Variants in WNK2 observed in about 807,000 individuals in gnomAD.
The protein encoded by WNK2 is serine/threonine-protein kinase WNK2.
In WNK2, 67 loss-of-function variants were observed where a neutral mutation model predicts 192.1. That is an observed-to-expected ratio of 0.35 (90% confidence interval 0.29 to 0.43). The LOEUF is 0.43. Ranked by LOEUF, WNK2 falls within the 20% of genes least tolerant of loss-of-function variation. The pLI is 1.00. For synonymous variants in WNK2, 1,439 were observed against 1,393.9 expected (o/e 1.03, Z -0.72); for missense variants, 2,698 against 3,089.7 (o/e 0.87, Z 3.01).
At chr9:93,214,536 T>A (rs889218533) in intron 2 of WNK2, among the ~76,000 whole-genome samples, 2 of 152,126 alleles carry the variant, frequency 1.3e-5, no homozygotes, top group Non-Finnish European at 2.9e-5. Flanking sequence ...ACTCCTGACC[T>A]TAAGTGATCT....
At chr9:93,268,443 G>A (rs567641035) in intron 18 of WNK2, among the ~76,000 whole-genome samples, 184 bp from the exon 19 acceptor site, 1 of 152,306 alleles carries the variant, frequency 6.6e-6, no homozygotes, top group East Asian at 1.9e-4. Flanking sequence ...GCTTCGTGGA[G>A]GGAAGCGTTG....
chr9:93,217,140 G>A (rs1271027122), intron 2 of WNK2, among the ~76,000 whole-genome samples: 1 of 152,040 alleles, frequency 6.6e-6, no homozygotes, highest in Admixed American at 6.6e-5. Context: ...TGTATTTTTA[G>A]TAGAGATGGG....
intron 2 of WNK2, among the ~76,000 whole-genome samples, chr9:93,188,186 C>T (rs761090723): frequency 6.6e-6 from 1 of 152,194 alleles, no homozygotes; most frequent in Non-Finnish European, 1.5e-5. Context: ...TCCCGCAGCA[C>T]CTGCAGTCTG....
intron 2 of WNK2, among the ~76,000 whole-genome samples, chr9:93,209,042 G>A (rs947543477): frequency 6.6e-6 from 1 of 152,168 alleles, no homozygotes; most frequent in African/African-American, 2.4e-5. Flanking sequence ...CCAAGAGGTT[G>A]CAGCTCTCCT....
At chr9:93,288,658 T>A (rs774636485) in intron 19 of WNK2, 130 bp from the exon 20 acceptor site, 13 of 959,058 alleles carry the variant, frequency 1.4e-5, no homozygotes, top group Admixed American at 6.2e-5. Flanking sequence ...GCCTGGCGTG[T>A]CGGGAAACAG....
In WNK2 at chr9:93,229,463, C is replaced by T. The variant is rs1838367488; in HGVS notation, c.682-233C>T. ...GGATTTGCGAGACCTCTTCGGCTTC[C>T]TAGGATGTCTTTTTGCTGAGGTCCC... is the stretch of plus-strand genomic sequence containing the variant. On this transcript the variant is annotated intron_variant, in intron 2 of 29. Transcript: ENST00000427277. The surrounding 1 kb of genome is among the most constrained non-coding windows in gnomAD (Gnocchi z 4.9). 6.6e-6 allele frequency among the ~76,000 whole-genome samples: 1 copy of T among 152,006 alleles called. No homozygotes were observed. Among genetic ancestry groups the T allele is most frequent in the Non-Finnish European group, 1.5e-5 (1 of 67,904 alleles).
chr9:93,248,309 A>T (rs1248086056), intron 8 of WNK2, among the ~76,000 whole-genome samples: 32 of 152,234 alleles, frequency 2.1e-4, no homozygotes, highest in Non-Finnish European at 5.9e-5. Flanking sequence ...TTTCCCGGTG[A>T]TCTGTAACCA....
chr9:93,297,819 G>T, intron 23 of WNK2, 34 bp from the exon 24 acceptor site: 1 of 1,541,436 alleles, frequency 6.5e-7, no homozygotes, highest in Non-Finnish European at 8.8e-7. Flanking sequence ...CACCGAGGAA[G>T]CCCATCGGCG....
Position 93,247,960 on chromosome 9 carries a change from C to G in WNK2, c.1834+126C>G, listed in dbSNP as rs1842016572. ...AATGCTTTGTGAGGAAGGGGGTCCG[C>G]ATGGCATCCCCTCGGAGGAGACATC... is the stretch of plus-strand genomic sequence containing the variant. On this transcript the variant is annotated intron_variant, in intron 8 of 29. Coordinates refer to ENST00000427277, the MANE Select transcript of WNK2 (RefSeq NM_006648.4). The surrounding 1 kb of genome is among the most constrained non-coding windows in gnomAD (Gnocchi z 5.2). 1 of 1,022,044 alleles carries G rather than the reference C, an allele frequency of 9.8e-7. No individual in the cohort carries two copies. The highest frequency in any genetic ancestry group is 1.4e-6 in the Non-Finnish European group (1 of 713,554). 63.3% of individuals were successfully genotyped at this position (1,022,044 alleles called of 1,614,324 possible).
chr9:93,309,177 A>C lies in WNK2; in HGVS notation c.6516+593A>C, dbSNP rs368990970. On this transcript the variant is annotated intron_variant, in intron 28 of 29. Coordinates refer to ENST00000427277, the MANE Select transcript of WNK2 (RefSeq NM_006648.4). ...GTTATTTCTATCTCAAATATTTAGTAAAGGTCATTTGTGAATCCATCTGGG... is the reference window on the plus strand; with the variant it reads ...GTTATTTCTATCTCAAATATTTAGTCAAGGTCATTTGTGAATCCATCTGGG... 4.4e-3 allele frequency: 4,264 copies of C among 970,382 alleles called. 17 individuals carry two copies. The highest frequency in any genetic ancestry group is 0.02 in the Middle Eastern group (37 of 1,872). The allele number at this position is 970,382 out of a possible 1,614,324, so 60.1% of individuals were successfully genotyped here. A position where few individuals can be genotyped will look rare whatever the true frequency, so the allele number is the denominator to read the frequency against.
chr9:93,290,122 C>T (rs1402000351), intron 21 of WNK2, 75 bp downstream of exon 21: 15 of 1,328,990 alleles, frequency 1.1e-5, no homozygotes, highest in East Asian at 2.5e-5. Flanking sequence ...TCTGCATCCG[C>T]ACCCTCGTCT....
chr9:93,230,100 G>T (rs1838488482), intron 3 of WNK2, among the ~76,000 whole-genome samples: 1 of 152,176 alleles, frequency 6.6e-6, no homozygotes, highest in Non-Finnish European at 1.5e-5. Flanking sequence ...TTTCTGCCTG[G>T]GAGCCAGCCC....
At chr9:93,251,481 G>A (rs1457663951) in intron 8 of WNK2, among the ~76,000 whole-genome samples, 1 of 152,144 alleles carries the variant, frequency 6.6e-6, no homozygotes, top group Admixed American at 6.5e-5. Context: ...AGTCAAAGGT[G>A]CGTGGGTCAC....
At chr9:93,189,232 A>G (rs779684363) in intron 2 of WNK2, among the ~76,000 whole-genome samples, 1 of 152,156 alleles carries the variant, frequency 6.6e-6, no homozygotes, top group Admixed American at 6.5e-5. Flanking sequence ...TAGGGGACAC[A>G]GGATCTTAGG....
intron 27 of WNK2, 139 bp from the exon 28 acceptor site, chr9:93,308,189 C>T (rs548001138): frequency 1.7e-5 from 25 of 1,433,986 alleles, no homozygotes; most frequent in South Asian, 1.5e-4. Context: ...TTAATCCGAC[C>T]GCCTCTTGAA....
At chr9:93,310,694 T>G (rs906126497) in intron 28 of WNK2, among the ~76,000 whole-genome samples, 6 of 152,200 alleles carry the variant, frequency 3.9e-5, no homozygotes, top group Non-Finnish European at 8.8e-5. Flanking sequence ...CTTTGACTAC[T>G]CTAAGTACCT....
intron 5 of WNK2, among the ~76,000 whole-genome samples, chr9:93,235,704 G>C (rs1432561366): frequency 6.6e-6 from 1 of 152,190 alleles, no homozygotes; most frequent in African/African-American, 2.4e-5. Context: ...CCTGACATGC[G>C]GCGTCTGCAC....
chr9:93,249,858 A>G (rs967876548), intron 8 of WNK2, among the ~76,000 whole-genome samples: 4 of 147,074 alleles, frequency 2.7e-5, no homozygotes, highest in African/African-American at 1.0e-4. Context: ...AAAGGCCGGG[A>G]GGTAGCAAAT....
chr9:93,278,743 A>C (rs1342761977), intron 19 of WNK2, among the ~76,000 whole-genome samples: 1 of 152,218 alleles, frequency 6.6e-6, no homozygotes, highest in Non-Finnish European at 1.5e-5. Flanking sequence ...TACCTTCTAA[A>C]CCAAACCATA....
Sources: allele counts gnomAD v4.1 joint callset (sites outside exome capture counted in the v4.1 genomes callset), GRCh38; gene constraint gnomAD v4.1.1; non-coding constraint Gnocchi (gnomAD v3.1); transcripts MANE v1.5; gene names NCBI Gene and HGNC (gene_info 2026-07-23, HGNC 2026-07-21).